DGKI: variants seen among roughly 807,000 people sequenced by gnomAD.
The protein encoded by DGKI is DAG kinase iota.
In DGKI, 55 loss-of-function variants were observed where a neutral mutation model predicts 147.5. The observed-to-expected ratio is 0.37, with a 90% confidence interval of 0.30 to 0.47. The LOEUF is 0.47. DGKI is among the 20% of genes least tolerant of loss of function. DGKI has a pLI of 1.00. For synonymous variants in DGKI, 469 were observed against 477.1 expected, an observed-to-expected ratio of 0.98 and a Z score of 0.22; for missense variants, 1,007 against 1,323.8, an observed-to-expected ratio of 0.76 and a Z score of 3.71.
rs759374462 is a variant in DGKI at position 137,572,829 on chromosome 7, T to C, written c.1771A>G (p.Thr591Ala). 6.2e-6 allele frequency: 10 copies of C among 1,609,818 alleles called. No homozygotes were observed. Among genetic ancestry groups the C allele is most frequent in the South Asian group, 1.1e-5 (1 of 90,114 alleles). Residue 591 changes from threonine (T) to alanine (A), a missense_variant, in exon 18 of 33, where the codon ACA (threonine) becomes GCA (alanine). Thr to Ala is a moderately conservative substitution (Grantham distance 58). Around this residue, in one of 5 missense-constraint regions of DGKI, gnomAD observed 224 missense variants for 382.7 expected, o/e 0.59. Coordinates refer to ENST00000614521, the MANE Select transcript of DGKI (RefSeq NM_001321708.2). ...TCCTGAATCTTTGGGGTGAGATCTG[T>C]TCCATCACACTGAAACAATGAAAAC... ...SKHVKVVCDGTDLTPKIQELK... is the reference protein window; with the variant it reads ...SKHVKVVCDGADLTPKIQELK...
At chr7:137,569,457 G>A (rs979552680) in intron 19 of DGKI, among the ~76,000 whole-genome samples, 29 of 151,768 alleles carry the variant, frequency 1.9e-4, no homozygotes, top group Admixed American at 1.2e-3. Context: ...GGCCGGGTGC[G>A]GTGGCTCACG....
chr7:137,541,514 G>A (rs908072797), intron 20 of DGKI, among the ~76,000 whole-genome samples: 2 of 152,140 alleles, frequency 1.3e-5, no homozygotes, highest in Admixed American at 6.5e-5. Flanking sequence ...TAGGTTATAT[G>A]CAAATACCCG....
At chr7:137,629,560 G>A (rs1012553949) in intron 6 of DGKI, among the ~76,000 whole-genome samples, 9 of 152,186 alleles carry the variant, frequency 5.9e-5, no homozygotes, top group African/African-American at 1.9e-4. Flanking sequence ...AGACCTTCAC[G>A]TGACCCAGGT....
intron 12 of DGKI, among the ~76,000 whole-genome samples, chr7:137,590,906 C>G (rs1369293994): frequency 6.6e-6 from 1 of 152,210 alleles, no homozygotes; most frequent in Admixed American, 6.5e-5. Flanking sequence ...CCGTATTGCC[C>G]AGGCTGCCCC....
At chr7:137,457,137 T>C (rs1814235681) in intron 27 of DGKI, among the ~76,000 whole-genome samples, 1 of 152,038 alleles carries the variant, frequency 6.6e-6, no homozygotes, top group African/African-American at 2.4e-5. Context: ...GTATCCGGGG[T>C]GAGCAAGATT....
At chr7:137,503,893 C>T (rs929225180) in intron 21 of DGKI, among the ~76,000 whole-genome samples, 1 of 152,144 alleles carries the variant, frequency 6.6e-6, no homozygotes, top group African/African-American at 2.4e-5. Flanking sequence ...TCAACATGTA[C>T]TGCCCTTTCA....
At chr7:137,515,123 C>A (rs1816706341) in intron 21 of DGKI, among the ~76,000 whole-genome samples, 1 of 152,116 alleles carries the variant, frequency 6.6e-6, no homozygotes, top group Non-Finnish European at 1.5e-5. Context: ...TTCCTCTGCC[C>A]AGGGATACTC....
intron 1 of DGKI, among the ~76,000 whole-genome samples, chr7:137,842,749 T>C (rs930944354): frequency 3.3e-5 from 5 of 152,148 alleles, no homozygotes; most frequent in African/African-American, 7.2e-5. Context: ...ATATTTGCAA[T>C]CATGAATTTA....
chr7:137,439,176 T>C (rs1010927784), intron 28 of DGKI, among the ~76,000 whole-genome samples: 3 of 152,222 alleles, frequency 2.0e-5, no homozygotes, highest in Non-Finnish European at 4.4e-5. Context: ...TTATATATTT[T>C]ATGAATAGTA....
At chr7:137,691,803 T>TTTTTTTTTTTTG (rs1823617109) in intron 1 of DGKI, among the ~76,000 whole-genome samples, 2 of 120,574 alleles carry the variant, frequency 1.7e-5, no homozygotes, top group African/African-American at 5.6e-5. Context: ...TTTGGGTTTT[T>TTTTTTTTTTTTG]TTTTTTTTTT....
At chr7:137,602,701 A>C (rs1820036124) in intron 10 of DGKI, among the ~76,000 whole-genome samples, 1 of 152,172 alleles carries the variant, frequency 6.6e-6, no homozygotes, top group Non-Finnish European at 1.5e-5. Flanking sequence ...ATTAAATGTA[A>C]CTGAATGGTT....
At position 137,388,066 on chromosome 7, in the gene DGKI, T is replaced by C. The variant is rs748898870; in HGVS notation, c.*3154A>G. On this transcript the variant is annotated 3_prime_UTR_variant, in exon 33 of 33. Transcript: ENST00000614521. ...TTACTAATTTCCATCACTGTGCATT[T>C]GCCAGCTAAATTATGTTTCAAAACT... 1.3e-5 allele frequency: 2 copies of C among 152,178 alleles called. No homozygotes were observed. Among genetic ancestry groups the C allele is most frequent in the Non-Finnish European group, 2.9e-5 (2 of 68,030 alleles). 9.4% of individuals were successfully genotyped at this position (152,178 alleles called of 1,614,324 possible).
At chr7:137,661,447 A>G (rs140299016) in intron 3 of DGKI, among the ~76,000 whole-genome samples, 6 of 152,122 alleles carry the variant, frequency 3.9e-5, no homozygotes, top group Admixed American at 1.3e-4. Flanking sequence ...CAATACTGTG[A>G]GTGCATAAGG....
chr7:137,712,838 C>G (rs781542088), intron 1 of DGKI, among the ~76,000 whole-genome samples: 2 of 152,180 alleles, frequency 1.3e-5, no homozygotes, highest in Non-Finnish European at 2.9e-5. Context: ...TTTCATAAAA[C>G]AGTTTCTCCA....
chr7:137,674,285 G>T (rs1372887976), intron 3 of DGKI, among the ~76,000 whole-genome samples: 1 of 152,176 alleles, frequency 6.6e-6, no homozygotes, highest in African/African-American at 2.4e-5. Flanking sequence ...TAGCCCTGAA[G>T]CTTGGGAACA....
chr7:137,568,649 T>A (rs1195007959), intron 19 of DGKI, among the ~76,000 whole-genome samples: 1 of 152,214 alleles, frequency 6.6e-6, no homozygotes, highest in Non-Finnish European at 1.5e-5. Flanking sequence ...TTGCTTCCTC[T>A]TTGCAAATAT....
chr7:137,716,397 A>C (rs1209383406), intron 1 of DGKI, among the ~76,000 whole-genome samples: 1 of 152,170 alleles, frequency 6.6e-6, no homozygotes, highest in Non-Finnish European at 1.5e-5. Flanking sequence ...AGGTATCTCC[A>C]ACTGCTATCA....
At chr7:137,460,384 T>G (rs1258527383) in intron 27 of DGKI, among the ~76,000 whole-genome samples, 1 of 152,208 alleles carries the variant, frequency 6.6e-6, no homozygotes, top group African/African-American at 2.4e-5. Context: ...TGATGCAATA[T>G]TCTATATCAA....
intron 17 of DGKI, among the ~76,000 whole-genome samples, chr7:137,575,819 G>A (rs1437357615): frequency 6.6e-6 from 1 of 152,114 alleles, no homozygotes; most frequent in African/African-American, 2.4e-5. Context: ...GGGATGCCAA[G>A]TGTTGCTAAT....
Sources: allele counts gnomAD v4.1 joint callset (sites outside exome capture counted in the v4.1 genomes callset), GRCh38; gene constraint gnomAD v4.1.1; regional missense constraint gnomAD v4.1.1; transcripts MANE v1.5; gene names NCBI Gene and HGNC (gene_info 2026-07-23, HGNC 2026-07-21).